PRKAR2A: variants seen among roughly 807,000 people sequenced by gnomAD.
PRKAR2A encodes the protein cAMP-dependent protein kinase type II-alpha regulatory subunit.
A neutral mutation model predicts 51.9 loss-of-function variants in PRKAR2A; 29 were observed. The ratio of observed to expected loss-of-function variants is 0.56; its 90% CI spans 0.42 to 0.76. The LOEUF (loss-of-function observed/expected upper bound fraction) is 0.76, where lower values mean the gene tolerates loss of function less well. Among genes scored for constraint, PRKAR2A ranks in the 30% least tolerant of loss-of-function variants. PRKAR2A has a pLI of 0.00. For missense variants in PRKAR2A, 445 were observed against 512.1 expected, an observed-to-expected ratio of 0.87 and a Z score of 1.26; for synonymous variants, 178 against 186.2, an observed-to-expected ratio of 0.96 and a Z score of 0.36.
intron 1 of PRKAR2A, among the ~76,000 whole-genome samples, chr3:48,841,184 T>C (rs745830569): frequency 6.6e-6 from 1 of 151,920 alleles, no homozygotes; most frequent in Non-Finnish European, 1.5e-5. Flanking sequence ...TTTTCACCTT[T>C]TGACTACTGT....
intron 6 of PRKAR2A, among the ~76,000 whole-genome samples, chr3:48,772,089 T>C (rs2107254786): frequency 6.6e-6 from 1 of 152,344 alleles, no homozygotes; most frequent in Non-Finnish European, 1.5e-5. Context: ...CCCTAGATAG[T>C]CTGCCTTCTT....
At chr3:48,770,093 G>A (rs545992549) in intron 6 of PRKAR2A, among the ~76,000 whole-genome samples, 7 of 152,046 alleles carry the variant, frequency 4.6e-5, no homozygotes, top group African/African-American at 1.4e-4. Context: ...CCCTTTTTAC[G>A]CATGCTTTAA....
In PRKAR2A at chr3:48,750,300, T is replaced by C. The variant is rs1468794614; in HGVS notation, c.*1285A>G. The C allele has an allele frequency of 6.6e-6, 1 of 151,964 alleles. No homozygotes were observed. The highest frequency in any genetic ancestry group is 1.5e-5 in the Non-Finnish European group (1 of 68,016). 9.4% of individuals were successfully genotyped at this position (151,964 alleles called of 1,614,324 possible). A position where few individuals can be genotyped will look rare whatever the true frequency, so the allele number is the denominator to read the frequency against. Reference sequence around the variant, plus strand: ...ATCACTTTAATCTGGGAGGCGGAGGTTGCGGTGAGCCAAGACCGCACCATT... The same window carrying C: ...ATCACTTTAATCTGGGAGGCGGAGGCTGCGGTGAGCCAAGACCGCACCATT... On this transcript the variant is annotated 3_prime_UTR_variant, in exon 11 of 11. Transcript: ENST00000265563.
chr3:48,818,909 T>C (rs2082915353), intron 1 of PRKAR2A, among the ~76,000 whole-genome samples: 1 of 152,212 alleles, frequency 6.6e-6, no homozygotes, highest in Non-Finnish European at 1.5e-5. Flanking sequence ...TGTGGAGGGT[T>C]TGTTTGCTGG....
intron 8 of PRKAR2A, among the ~76,000 whole-genome samples, chr3:48,761,819 T>C (rs928593046): frequency 6.6e-6 from 1 of 152,194 alleles, no homozygotes; most frequent in Admixed American, 6.6e-5. Context: ...GGTTTCGCCA[T>C]GTTGGCCAGG....
intron 5 of PRKAR2A, among the ~76,000 whole-genome samples, chr3:48,778,422 A>C (rs1219465837): frequency 6.6e-6 from 1 of 152,100 alleles, no homozygotes; most frequent in African/African-American, 2.4e-5. Flanking sequence ...CTTGGGCTCA[A>C]GTGATCCTCC....
At chr3:48,756,310 C>A (rs1016934908) in intron 9 of PRKAR2A, 69 bp downstream of exon 9, 49 of 1,387,970 alleles carry the variant, frequency 3.5e-5, no homozygotes, top group African/African-American at 7.1e-5. Flanking sequence ...ATTCAACACA[C>A]TTCACATTAT....
chr3:48,808,797 G>A (rs1260169087), intron 1 of PRKAR2A, among the ~76,000 whole-genome samples: 1 of 126,444 alleles, frequency 7.9e-6, no homozygotes, highest in Non-Finnish European at 1.6e-5. Flanking sequence ...GATTACAGGC[G>A]TGAGCCACCG....
At chr3:48,777,627 G>A (rs375382329) in intron 5 of PRKAR2A, among the ~76,000 whole-genome samples, 53 of 152,172 alleles carry the variant, frequency 3.5e-4, no homozygotes, top group African/African-American at 1.2e-3. Context: ...GGATGGTCTC[G>A]ATCTCCTGAT....
At chr3:48,836,094 G>A (rs527502913) in intron 1 of PRKAR2A, among the ~76,000 whole-genome samples, 37 of 151,944 alleles carry the variant, frequency 2.4e-4, no homozygotes, top group South Asian at 8.3e-4. Flanking sequence ...TCAACAAATG[G>A]TGCTGAACAA....
rs184514158 is a variant in PRKAR2A, at chr3:48,764,189, A to G, written c.873+815T>C. ...ATAAGCTTATACCTGGAAAAGTCCA[A>G]TACTATTTATGTTTAATTAAAAATA... On this transcript the variant is annotated intron_variant, in intron 8 of 10. Transcript: ENST00000265563. Among the ~76,000 whole-genome samples the G allele has an allele frequency of 3.9e-5, 6 of 152,328 alleles. No individual in the cohort carries two copies. In the East Asian group the frequency reaches 9.6e-4, roughly 24 times the overall value.
chr3:48,803,763 G>A (rs1002222593), intron 2 of PRKAR2A, among the ~76,000 whole-genome samples: 2 of 152,072 alleles, frequency 1.3e-5, no homozygotes, highest in African/African-American at 2.4e-5. Context: ...AGTGGCTTAC[G>A]CTGGGAGGCC....
chr3:48,817,646 T>TTAAAATAAATAAATAAA (rs1268077148), intron 1 of PRKAR2A, among the ~76,000 whole-genome samples: 1 of 149,112 alleles, frequency 6.7e-6, no homozygotes. Context: ...AAACTCCATC[T>TTAAAATAAATAAATAAA]TAAAATAAAT....
intron 6 of PRKAR2A, among the ~76,000 whole-genome samples, 178 bp from the exon 7 acceptor site, chr3:48,765,527 C>T (rs528767772): frequency 6.6e-6 from 1 of 152,132 alleles, no homozygotes; most frequent in South Asian, 2.1e-4. Context: ...CCTGAGCCAG[C>T]CAGATGCCCA....
intron 5 of PRKAR2A, among the ~76,000 whole-genome samples, chr3:48,777,826 T>C (rs942899029): frequency 6.6e-6 from 1 of 152,162 alleles, no homozygotes; most frequent in African/African-American, 2.4e-5. Flanking sequence ...TCAGGGGAGC[T>C]TACCACTCAG....
rs560579076 is a variant in PRKAR2A, at chr3:48,761,389, C to A, written c.873+3615G>T. ...GCTGTACTGCTCAATACATTAGCCA[C>A]GAGTCAAATGTGGCTGAGCACTTGA... On this transcript the variant is annotated intron_variant, in intron 8 of 10. Coordinates refer to ENST00000265563, the MANE Select transcript of PRKAR2A (RefSeq NM_004157.4). Among the ~76,000 whole-genome samples the A allele has an allele frequency of 2.0e-5, 3 of 152,232 alleles. No individual in the cohort carries two copies. The South Asian group carries it at 6.2e-4, about 32-fold the overall frequency.
chr3:48,832,586 CAT>C (rs1353804453), intron 1 of PRKAR2A, among the ~76,000 whole-genome samples: 1 of 152,150 alleles, frequency 6.6e-6, no homozygotes, highest in Non-Finnish European at 1.5e-5. Context: ...TAGCAAGACA[CAT>C]GCTTTAAGAG....
chr3:48,745,433 T>TGG (rs2081553209), downstream of PRKAR2A, among the ~76,000 whole-genome samples: 2 of 152,094 alleles, frequency 1.3e-5, no homozygotes, highest in African/African-American at 4.8e-5. Flanking sequence ...TTGTGATTGC[T>TGG]AATTTTATGT....
rs34189728 is a variant in PRKAR2A at position 48,822,210 on chromosome 3, CA to C, written c.263-14527del. On this transcript the variant is annotated intron_variant, in intron 1 of 10. Transcript: ENST00000265563. The stretch of plus-strand genomic sequence containing the variant: ...TGGGTGACGGGGCAAGATTCTGTCT[CA>C]AAAAAAAAAAAAAAAAAAAATGGAG... Among the ~76,000 whole-genome samples, 616 of 109,024 alleles carry C rather than the reference CA, an allele frequency of 5.7e-3. 3 individuals carry two copies. Among genetic ancestry groups the C allele is most frequent in the African/African-American group, 8.9e-3 (247 of 27,666 alleles). 71.5% of individuals were successfully genotyped at this position (109,024 alleles called of 152,430 possible). A position where few individuals can be genotyped will look rare whatever the true frequency, so the allele number is the denominator to read the frequency against.
Sources: gnomAD v4.1 joint callset for allele counts (sites outside exome capture counted in the v4.1 genomes callset) on GRCh38, gnomAD v4.1.1 for gene constraint, MANE v1.5 for transcripts, NCBI Gene and HGNC (gene_info 2026-07-23, HGNC 2026-07-21) for gene names.